The following TTBK1 variants were observed in gnomAD, a reference collection of about 807,000 sequenced individuals.
TTBK1 encodes the protein tau tubulin kinase 1, also known as tau-tubulin kinase 1.
A neutral mutation model predicts 108.5 loss-of-function variants in TTBK1; 34 were observed. That is an observed-to-expected ratio of 0.31 (90% CI 0.24 to 0.42). TTBK1 has a LOEUF of 0.42. Among genes scored for constraint, TTBK1 ranks in the 10% least tolerant of loss-of-function variants. The pLI, the probability that TTBK1 is intolerant of heterozygous loss-of-function variation, is 1.00. For missense variants in TTBK1, 1,539 were observed against 1,826.0 expected (o/e 0.84, Z 2.86); for synonymous variants, 809 against 795.1 (o/e 1.02, Z -0.29).
rs3800295 is a variant in TTBK1 at position 43,282,972 on chromosome 6, G to C, written c.2232G>C (p.Glu744Asp). 103,422 of 1,606,428 alleles carry C rather than the reference G, an allele frequency of 0.064. 3,648 individuals carry two copies. Among genetic ancestry groups the C allele is most frequent in the East Asian group, 0.11 (4,772 of 44,804 alleles). Residue 744 changes from glutamate to aspartate, a missense_variant, in exon 14 of 15, where the codon GAG becomes GAC. This residue lies in a region of TTBK1 where 1,055 missense variants were observed against 1,086.5 expected (regional missense o/e 0.97). Transcript: ENST00000259750. This position sits in a 1 kb window ranked among gnomAD's most constrained non-coding sequence, Gnocchi z 5.4. ...AGGAGGAGGAGGAAGATGAGGAAGA[G>C]GAAGAAGAGGATGAGGAAGAAGAAG... ...EEEEEEEDEEEEEEDEEEEEE... is the reference protein window; with the variant it reads ...EEEEEEEDEEDEEEDEEEEEE...
At chr6:43,252,182 C>CTGTGTGTG (rs58985204) in intron 2 of TTBK1, among the ~76,000 whole-genome samples, 1,776 of 140,088 alleles carry the variant, frequency 0.013, 36 homozygotes, top group African/African-American at 0.041. Flanking sequence ...ACATCTGGCT[C>CTGTGTGTG]TGTGTGTGTG....
intron 1 of TTBK1, among the ~76,000 whole-genome samples, chr6:43,245,669 C>T (rs887122787): frequency 2.6e-5 from 4 of 152,256 alleles, no homozygotes; most frequent in Middle Eastern, 3.4e-3. Flanking sequence ...CAACCCCCGC[C>T]GTTGGGAAAC....
At chr6:43,270,012 C>T (rs1037887066) in intron 13 of TTBK1, 5 of 1,428,004 alleles carry the variant, frequency 3.5e-6, no homozygotes, top group Non-Finnish European at 3.6e-6. Flanking sequence ...GGCAGAGGAC[C>T]ATGGTTCCTT....
intron 2 of TTBK1, among the ~76,000 whole-genome samples, chr6:43,250,617 C>T (rs1490277141): frequency 6.6e-6 from 1 of 152,144 alleles, no homozygotes; most frequent in Non-Finnish European, 1.5e-5. Flanking sequence ...CTTCAGCCTC[C>T]CAAAGTGCTG....
chr6:43,271,941 G>A (rs1777846179), intron 13 of TTBK1: 4 of 981,750 alleles, frequency 4.1e-6, no homozygotes, highest in Non-Finnish European at 3.6e-6. Flanking sequence ...CCTCTGGGCT[G>A]TTTTGGATGG....
Position 43,263,145 on chromosome 6 carries a change from G to A in TTBK1, c.1781G>A (p.Arg594Gln), listed in dbSNP as rs754210244. 22 of 1,567,554 alleles carry A rather than the reference G, an allele frequency of 1.4e-5. No individual in the cohort carries two copies. Among genetic ancestry groups the A allele is most frequent in the Admixed American group, 9.3e-5 (5 of 53,756 alleles). Reference protein sequence around the residue: ...RRRLGAEPTVRPRGRSMQALA... With the variant: ...RRRLGAEPTVQPRGRSMQALA... ...CGGCTGGGGGCAGAGCCCACCGTCC[G>A]GCCCCGGGGACGCAGCATGCAGGCG... Residue 594 changes from arginine to glutamine, a missense_variant, in exon 13 of 15, where the codon CGG becomes CAG. Physicochemically the swap from Arg to Gln is conservative, Grantham distance 43. Coordinates refer to ENST00000259750, the MANE Select transcript of TTBK1 (RefSeq NM_032538.3). This position sits in a 1 kb window ranked among gnomAD's most constrained non-coding sequence, Gnocchi z 4.7.
At chr6:43,247,973 G>A (rs1488386496) in intron 2 of TTBK1, 2 of 152,208 alleles carry the variant, frequency 1.3e-5, no homozygotes, top group Non-Finnish European at 2.9e-5. Context: ...ATCGGGGGAG[G>A]AAGAGCCAGG....
Position 43,281,719 on chromosome 6 carries a change from CAG to C in TTBK1, c.1987-1006_1987-1005del, listed in dbSNP as rs563177708. On this transcript the variant is annotated intron_variant, in intron 13 of 14. Coordinates refer to ENST00000259750, the MANE Select transcript of TTBK1 (RefSeq NM_032538.3). Reference sequence around the variant, plus strand: ...GCTGTGTTCGGCTAGCTTAGGAAGACAGAAGCCCAGCGTGTTCGAAAATGCTA... The same window carrying C: ...GCTGTGTTCGGCTAGCTTAGGAAGACAAGCCCAGCGTGTTCGAAAATGCTA... Among the ~76,000 whole-genome samples, 30 of 152,304 alleles carry C rather than the reference CAG, an allele frequency of 2.0e-4. 1 individual carries two copies. The South Asian group carries it at 5.8e-3, about 29-fold the overall frequency.
rs894722082 is a variant in TTBK1 at position 43,273,282 on chromosome 6, T to G, written c.1987-9445T>G. ...CCTTTGCGGTGGGCCCCCTCCTCAG[T>G]CTATAGAAAAGAGGGGAGTTGTCAG... On this transcript the variant is annotated intron_variant, in intron 13 of 14. Transcript: ENST00000259750. The surrounding 1 kb of genome is among the most constrained non-coding windows in gnomAD (Gnocchi z 4.2). Among the ~76,000 whole-genome samples the G allele has an allele frequency of 6.6e-6, 1 of 152,096 alleles. No individual in the cohort carries two copies. Among genetic ancestry groups the G allele is most frequent in the Non-Finnish European group, 1.5e-5 (1 of 68,000 alleles).
At position 43,283,376 on chromosome 6, in the gene TTBK1, T is replaced by C; in HGVS notation, c.2636T>C (p.Leu879Pro). 2 of 1,605,356 alleles carry C rather than the reference T, an allele frequency of 1.2e-6. No homozygotes were observed. Among genetic ancestry groups the C allele is most frequent in the African/African-American group, 1.3e-5 (1 of 74,770 alleles). ...HERPQPTGSQ[L>P]DVSEPGTLSS... ...CGGCCCCAGCCCACGGGCAGCCAGC[T>C]GGACGTATCTGAGCCAGGCACCCTG... The change falls in exon 14 of 15, where the codon CTG becomes CCG. Residue 879 changes from leucine to proline, a missense_variant. Around this residue, in one of 5 missense-constraint regions of TTBK1, gnomAD observed 1,055 missense variants for 1,086.5 expected, o/e 0.97. Transcript: ENST00000259750. The surrounding 1 kb of genome is among the most constrained non-coding windows in gnomAD (Gnocchi z 8.1).
Position 43,273,268 on chromosome 6 carries a change from G to T in TTBK1, c.1987-9459G>T, listed in dbSNP as rs1168587163. Among the ~76,000 whole-genome samples, 7 of 152,164 alleles carry T rather than the reference G, an allele frequency of 4.6e-5. No individual in the cohort carries two copies. The highest frequency in any genetic ancestry group is 4.6e-4 in the Admixed American group (7 of 15,280). On this transcript the variant is annotated intron_variant, in intron 13 of 14. Coordinates refer to ENST00000259750, the MANE Select transcript of TTBK1 (RefSeq NM_032538.3). This position sits in a 1 kb window ranked among gnomAD's most constrained non-coding sequence, Gnocchi z 4.2. Reference sequence around the variant, plus strand: ...GGTTGATTGATTGTCCTTTGCGGTGGGCCCCCTCCTCAGTCTATAGAAAAG... The same window carrying T: ...GGTTGATTGATTGTCCTTTGCGGTGTGCCCCCTCCTCAGTCTATAGAAAAG...
At chr6:43,260,318 C>A (rs1173597855) in intron 12 of TTBK1, among the ~76,000 whole-genome samples, 2 of 150,690 alleles carry the variant, frequency 1.3e-5, no homozygotes, top group Non-Finnish European at 3.0e-5. Context: ...CGGTCCCCAT[C>A]TGTGCTGGTG....
rs1778002939 is a variant in TTBK1 at position 43,276,472 on chromosome 6, G to C, written c.1987-6255G>C. Reference sequence around the variant, plus strand: ...CTTGAAACCGACACGCACACGCGCGGCGCCGCCACGGGGGTGGGACACGGA... The same window carrying C: ...CTTGAAACCGACACGCACACGCGCGCCGCCGCCACGGGGGTGGGACACGGA... On this transcript the variant is annotated intron_variant, in intron 13 of 14. Coordinates refer to ENST00000259750, the MANE Select transcript of TTBK1 (RefSeq NM_032538.3). This position sits in a 1 kb window ranked among gnomAD's most constrained non-coding sequence, Gnocchi z 5.4. 6.6e-6 allele frequency among the ~76,000 whole-genome samples: 1 copy of C among 152,120 alleles called. No homozygotes were observed.
chr6:43,270,701 C>T lies in TTBK1; in HGVS notation c.1986+7351C>T, dbSNP rs1471228036. ...TAGGATTGGGTGTCTGTCCTCGGCT[C>T]CTCAGGAACTGAGGATGGATGAGAG... On this transcript the variant is annotated intron_variant, in intron 13 of 14. Transcript: ENST00000259750. The T allele has an allele frequency of 2.6e-5, 26 of 985,246 alleles. No homozygotes were observed. In the South Asian group the frequency reaches 8.9e-4, roughly 34 times the overall value. 61.0% of individuals were successfully genotyped at this position (985,246 alleles called of 1,614,324 possible).
Position 43,257,821 on chromosome 6 carries a change from T to G in TTBK1, c.871T>G (p.Ser291Ala). The change falls in exon 10 of 15, where the codon TCA becomes GCA. Residue 291 changes from serine to alanine, a missense_variant. Coordinates refer to ENST00000259750, the MANE Select transcript of TTBK1 (RefSeq NM_032538.3). This position sits in a 1 kb window ranked among gnomAD's most constrained non-coding sequence, Gnocchi z 4.5. ...FTKPDYQLIM[S>A]VFENSMKERG... is the part of the protein sequence containing the mutation. ...CCCTCACCCCCTGCAGTTGATCATGTCAGTGTTTGAGAACAGCATGAAGGA... is the reference window on the plus strand; with the variant it reads ...CCCTCACCCCCTGCAGTTGATCATGGCAGTGTTTGAGAACAGCATGAAGGA... 6.2e-7 allele frequency: 1 copy of G among 1,613,636 alleles called. No homozygotes were observed. The highest frequency in any genetic ancestry group is 2.2e-5 in the East Asian group (1 of 44,850).
In TTBK1 at chr6:43,287,143, T is replaced by C. The variant is rs563807269; in HGVS notation, c.*1767T>C. 6.5e-6 allele frequency: 1 copy of C among 152,760 alleles called. No homozygotes were observed. Among genetic ancestry groups the C allele is most frequent in the African/African-American group, 2.4e-5 (1 of 41,558 alleles). The allele number at this position is 152,760 out of a possible 1,614,324, so 9.5% of individuals were successfully genotyped here. A position where few individuals can be genotyped will look rare whatever the true frequency, so the allele number is the denominator to read the frequency against. The stretch of plus-strand genomic sequence containing the variant: ...ACAGCCTTTGACGTCCACCCCACGC[T>C]GATGCAGAAGCTCCCAGAACACTCA... On this transcript the variant is annotated 3_prime_UTR_variant, in exon 15 of 15. Transcript: ENST00000259750. This position sits in a 1 kb window ranked among gnomAD's most constrained non-coding sequence, Gnocchi z 4.1.
chr6:43,259,440 A>T lies in TTBK1; in HGVS notation c.1249-91A>T. The T allele has an allele frequency of 2.1e-6, 3 of 1,417,194 alleles. No individual in the cohort carries two copies. The highest frequency in any genetic ancestry group is 2.9e-5 in the South Asian group (2 of 69,362). 87.8% of individuals were successfully genotyped at this position (1,417,194 alleles called of 1,614,324 possible). ...CACTAGCCTCGCTGTGTCTTCCATC[A>T]TCATCATCCTCTGTCTCCTTCACCC... is the stretch of plus-strand genomic sequence containing the variant. On this transcript the variant is annotated intron_variant, in intron 11 of 14. Transcript: ENST00000259750. The surrounding 1 kb of genome is among the most constrained non-coding windows in gnomAD (Gnocchi z 6.7).
rs932032339 is a variant in TTBK1 at position 43,286,286 on chromosome 6, G to C, written c.*910G>C. On this transcript the variant is annotated 3_prime_UTR_variant, in exon 15 of 15. Transcript: ENST00000259750. This position sits in a 1 kb window ranked among gnomAD's most constrained non-coding sequence, Gnocchi z 4.6. ...CTCCCTCCCCTGTTCCCCTGATCTA[G>C]TGCTCAGGACCCTTCACCATCAGGA... The C allele has an allele frequency of 2.0e-5, 3 of 152,672 alleles. No homozygotes were observed. The highest frequency in any genetic ancestry group is 2.9e-5 in the Non-Finnish European group (2 of 68,086). 9.5% of individuals were successfully genotyped at this position (152,672 alleles called of 1,614,324 possible).
At position 43,253,118 on chromosome 6, in the gene TTBK1, G is replaced by A. The variant is rs1777289891; in HGVS notation, c.257-173G>A. ...CGGGTTGGTGATCAAGGAAGTAATCGAGCTGGAGTCTAGGAGACATGATGA... is the reference window on the plus strand; with the variant it reads ...CGGGTTGGTGATCAAGGAAGTAATCAAGCTGGAGTCTAGGAGACATGATGA... On this transcript the variant is annotated intron_variant, in intron 3 of 14. Coordinates refer to ENST00000259750, the MANE Select transcript of TTBK1 (RefSeq NM_032538.3). The surrounding 1 kb of genome is among the most constrained non-coding windows in gnomAD (Gnocchi z 5.8). Among the ~76,000 whole-genome samples, 1 of 152,126 alleles carries A rather than the reference G, an allele frequency of 6.6e-6. No individual in the cohort carries two copies. Among genetic ancestry groups the A allele is most frequent in the Non-Finnish European group, 1.5e-5 (1 of 68,022 alleles).
Sources: allele counts gnomAD v4.1 joint callset (sites outside exome capture counted in the v4.1 genomes callset), GRCh38; gene constraint gnomAD v4.1.1; regional missense constraint gnomAD v4.1.1; non-coding constraint Gnocchi (gnomAD v3.1); transcripts MANE v1.5; gene names NCBI Gene and HGNC (gene_info 2026-07-23, HGNC 2026-07-21).